ZNF385A: variants seen among roughly 807,000 people sequenced by gnomAD.
ZNF385A encodes zinc finger protein 385A, also known as hematopoietic zinc finger protein.
Under a neutral mutation model 32.1 loss-of-function variants are expected in ZNF385A, and 14 were observed. The observed-to-expected ratio is 0.44, with a 90% CI of 0.29 to 0.68. The LOEUF (loss-of-function observed/expected upper bound fraction) is 0.68, where lower values mean the gene tolerates loss of function less well. Ranked by LOEUF, ZNF385A falls within the 30% of genes least tolerant of loss-of-function variation. ZNF385A has a pLI of 0.14. For synonymous variants in ZNF385A, 197 were observed against 202.7 expected (o/e 0.97, Z 0.24); for missense variants, 406 against 478.4 (o/e 0.85, Z 1.41).
At chr12:54,376,051 C>T (rs551613567) in intron 1 of ZNF385A, 97 bp from the exon 2 acceptor site, 8 of 891,618 alleles carry the variant, frequency 9.0e-6, no homozygotes, top group African/African-American at 3.3e-5. Context: ...GGTCCCCAGA[C>T]CCCTTCTATC....
At chr12:54,382,132 ATC>A (rs1955220074) in intron 1 of ZNF385A, among the ~76,000 whole-genome samples, 2 of 151,496 alleles carry the variant, frequency 1.3e-5, no homozygotes, top group Non-Finnish European at 2.9e-5. Flanking sequence ...CAGTGGCGCA[ATC>A]TCGGCTCACT....
chr12:54,385,785 CCAGCCCCCTCCCCCT>C, upstream of ZNF385A: 1 of 362,590 alleles, frequency 2.8e-6, no homozygotes, highest in Non-Finnish European at 3.8e-6. Context: ...CCCTCCCTTG[CCAGCCCCCTCCCCCT>C]CAGCCCAGTC....
At chr12:54,391,267 G>A in exon 1 of ZNF385A, 1 of 1,371,974 alleles carries the variant, frequency 7.3e-7, no homozygotes. Flanking sequence ...GGCGCCCGGG[G>A]TTCCGCGTCG....
intron 1 of ZNF385A, among the ~76,000 whole-genome samples, chr12:54,390,488 G>T (rs997123172): frequency 1.3e-5 from 2 of 152,116 alleles, no homozygotes; most frequent in African/African-American, 4.8e-5. Flanking sequence ...CAAGGCAGGG[G>T]TGGAGGGAGA....
chr12:54,386,061 C>G (rs546307982), upstream of ZNF385A, among the ~76,000 whole-genome samples: 19 of 151,976 alleles, frequency 1.3e-4, no homozygotes, highest in African/African-American at 4.3e-4. Flanking sequence ...ATTCTCAGGG[C>G]TAAAGGAGAG....
At chr12:54,390,344 C>CCTGGGG (rs951850183) in intron 1 of ZNF385A, among the ~76,000 whole-genome samples, 11 of 152,128 alleles carry the variant, frequency 7.2e-5, no homozygotes, top group Admixed American at 7.2e-4. Flanking sequence ...CTCCCCCACC[C>CCTGGGG]CTGGGGCTCC....
At chr12:54,387,289 G>T (rs1407626537), upstream of ZNF385A, among the ~76,000 whole-genome samples, 2 of 152,024 alleles carry the variant, frequency 1.3e-5, no homozygotes, top group Non-Finnish European at 1.5e-5. Context: ...GGGAGGGGAG[G>T]GGAGTGGAGT....
chr12:54,372,001 G>A (rs7960765), intron 3 of ZNF385A, among the ~76,000 whole-genome samples: 81,247 of 152,128 alleles, frequency 0.53, 25,811 homozygotes, highest in Non-Finnish European at 0.74. Context: ...AGCCCAGCCA[G>A]GGGGAGAGGC....
At chr12:54,371,836 A>G in intron 3 of ZNF385A, 121 bp from the exon 4 acceptor site, 2 of 1,420,822 alleles carry the variant, frequency 1.4e-6, no homozygotes, top group East Asian at 2.3e-5. Context: ...ACCCTGTTAC[A>G]ACATGCATGC....
chr12:54,375,759 G>T, intron 2 of ZNF385A, 85 bp downstream of exon 2: 1 of 1,154,382 alleles, frequency 8.7e-7, no homozygotes, highest in Non-Finnish European at 1.3e-6. Flanking sequence ...CAGAGTAAGT[G>T]TTCTCACCCA....
Position 54,371,734 on chromosome 12 carries a change from C to T in ZNF385A, c.362-19G>A. On this transcript the variant is annotated intron_variant, in intron 3 of 6. Transcript: ENST00000394313. ...ATGGAAACTGTTGTTGGGGGAGAAA[C>T]ATGGGGATCACCCTAGATGGCTCTT... 6.2e-7 allele frequency: 1 copy of T among 1,610,930 alleles called. No homozygotes were observed. Among genetic ancestry groups the T allele is most frequent in the African/African-American group, 1.3e-5 (1 of 74,788 alleles).
At chr12:54,389,434 T>G (rs1955579938), upstream of ZNF385A, among the ~76,000 whole-genome samples, 1 of 152,214 alleles carries the variant, frequency 6.6e-6, no homozygotes, top group South Asian at 2.1e-4. Context: ...TTGCCAGACT[T>G]CCCGCACTCT....
chr12:54,385,476 C>T (rs79182781), upstream of ZNF385A, among the ~76,000 whole-genome samples: 414 of 152,316 alleles, frequency 2.7e-3, 1 homozygote, highest in African/African-American at 9.6e-3. Flanking sequence ...CTCCCTTCTG[C>T]GACCCTGCTG....
intron 1 of ZNF385A, chr12:54,379,195 C>T (rs1955007915): frequency 3.1e-6 from 3 of 981,262 alleles, no homozygotes; most frequent in Non-Finnish European, 1.2e-6. Context: ...GGCTGTGCGG[C>T]CCGGCCGGCG....
At chr12:54,379,870 G>A (rs1955058299) in intron 1 of ZNF385A, among the ~76,000 whole-genome samples, 1 of 152,200 alleles carries the variant, frequency 6.6e-6, no homozygotes, top group Non-Finnish European at 1.5e-5. Context: ...GGGCAGCACT[G>A]GGGGACCAGA....
chr12:54,383,225 G>A (rs1955289714), intron 1 of ZNF385A, among the ~76,000 whole-genome samples: 1 of 152,134 alleles, frequency 6.6e-6, no homozygotes, highest in Non-Finnish European at 1.5e-5. Context: ...ACATGCTAAA[G>A]CATCATCCTC....
At chr12:54,388,503 G>A (rs1429332637), upstream of ZNF385A, among the ~76,000 whole-genome samples, 1 of 152,202 alleles carries the variant, frequency 6.6e-6, no homozygotes, top group African/African-American at 2.4e-5. Context: ...TTAGGGAGTG[G>A]CTGCATCTGA....
upstream of ZNF385A, among the ~76,000 whole-genome samples, chr12:54,388,135 C>T (rs1955544469): frequency 6.6e-6 from 1 of 151,730 alleles, no homozygotes; most frequent in African/African-American, 2.4e-5. Context: ...TGGGGCAGGC[C>T]ACTCTTGAGG....
intron 1 of ZNF385A, among the ~76,000 whole-genome samples, chr12:54,382,427 G>T (rs1039799287): frequency 4.6e-5 from 7 of 152,110 alleles, no homozygotes; most frequent in Admixed American, 2.6e-4. Context: ...CCCTCATTTG[G>T]GGGGAGCAGC....
Sources: allele counts gnomAD v4.1 joint callset (sites outside exome capture counted in the v4.1 genomes callset), GRCh38; gene constraint gnomAD v4.1.1; transcripts MANE v1.5; gene names NCBI Gene and HGNC (gene_info 2026-07-23, HGNC 2026-07-21).